The following ZFPM2 variants were observed in gnomAD, a reference collection of about 807,000 sequenced individuals.
ZFPM2 encodes the protein zinc finger protein ZFPM2.
ZFPM2 carries 20 observed loss-of-function variants against 98.6 expected under a neutral mutation model. That is an observed-to-expected ratio of 0.20 (90% confidence interval 0.14 to 0.29). The LOEUF (loss-of-function observed/expected upper bound fraction) is 0.29, where lower values mean the gene tolerates loss of function less well. ZFPM2 is among the 10% of genes least tolerant of loss of function. ZFPM2 has a pLI of 1.00. For missense variants in ZFPM2, 1,310 were observed against 1,388.6 expected, an observed-to-expected ratio of 0.94 and a Z score of 0.90; for synonymous variants, 518 against 502.7, an observed-to-expected ratio of 1.03 and a Z score of -0.41.
intron 5 of ZFPM2, among the ~76,000 whole-genome samples, chr8:105,687,664 A>G (rs1810772994): frequency 3.3e-5 from 5 of 152,176 alleles, no homozygotes; most frequent in Admixed American, 3.3e-4. Context: ...GAATACATAA[A>G]TCAAATAGAT....
intron 5 of ZFPM2, among the ~76,000 whole-genome samples, chr8:105,648,352 T>A (rs1479202167): frequency 2.0e-5 from 3 of 152,228 alleles, no homozygotes; most frequent in Admixed American, 1.3e-4. Flanking sequence ...GATAGTAGTT[T>A]CTTTTGTTGT....
intron 3 of ZFPM2, among the ~76,000 whole-genome samples, chr8:105,473,620 A>T (rs980370686): frequency 2.6e-5 from 4 of 152,210 alleles, no homozygotes; most frequent in African/African-American, 9.6e-5. Context: ...TTTAAAAGCC[A>T]TTGAGTTAAG....
intron 3 of ZFPM2, among the ~76,000 whole-genome samples, chr8:105,445,145 A>G (rs1291437793): frequency 6.6e-6 from 1 of 152,206 alleles, no homozygotes; most frequent in Non-Finnish European, 1.5e-5. Flanking sequence ...AAAGATCCCT[A>G]TATTTCAATC....
At chr8:105,645,637 G>T (rs983173238) in intron 5 of ZFPM2, among the ~76,000 whole-genome samples, 1 of 152,168 alleles carries the variant, frequency 6.6e-6, no homozygotes, top group East Asian at 1.9e-4. Context: ...ATTCTAACAG[G>T]CTGGGAAGCA....
chr8:105,521,138 C>T (rs1323124790), intron 3 of ZFPM2, among the ~76,000 whole-genome samples: 3 of 150,350 alleles, frequency 2.0e-5, no homozygotes, highest in African/African-American at 7.5e-5. Context: ...TATATACACA[C>T]ACACACACAC....
Position 105,363,952 on chromosome 8 carries a change from G to A in ZFPM2, c.40+44971G>A, listed in dbSNP as rs538119590. On this transcript the variant is annotated intron_variant, in intron 1 of 7. Coordinates refer to ENST00000407775, the MANE Select transcript of ZFPM2 (RefSeq NM_012082.4). ...TGGTTTATAGTCTGTCTTATGTACTGCATATTCTTGAAAACTGAGATATAG... is the reference window on the plus strand; with the variant it reads ...TGGTTTATAGTCTGTCTTATGTACTACATATTCTTGAAAACTGAGATATAG... Among the ~76,000 whole-genome samples, 5 of 152,090 alleles carry A rather than the reference G, an allele frequency of 3.3e-5. No homozygotes were observed. In the South Asian group the frequency reaches 1.0e-3, roughly 32 times the overall value.
intron 2 of ZFPM2, among the ~76,000 whole-genome samples, chr8:105,430,761 G>A (rs1345763465): frequency 6.6e-6 from 1 of 152,122 alleles, no homozygotes; most frequent in Non-Finnish European, 1.5e-5. Context: ...GTGCATCTGA[G>A]TTAGAAGGAG....
intron 3 of ZFPM2, among the ~76,000 whole-genome samples, chr8:105,503,502 C>A (rs1813637858): frequency 1.3e-5 from 2 of 152,060 alleles, no homozygotes; most frequent in Admixed American, 6.6e-5. Flanking sequence ...AAGATAAAGA[C>A]CATGGGAATG....
chr8:105,467,068 G>T (rs1812809336), intron 3 of ZFPM2, among the ~76,000 whole-genome samples: 1 of 151,976 alleles, frequency 6.6e-6, no homozygotes, highest in African/African-American at 2.4e-5. Context: ...AACATCGTAT[G>T]TATTTCTTCC....
At chr8:105,770,624 C>T (rs943844943) in intron 5 of ZFPM2, among the ~76,000 whole-genome samples, 1 of 152,010 alleles carries the variant, frequency 6.6e-6, no homozygotes, top group Admixed American at 6.6e-5. Context: ...CCTTAGAGGG[C>T]ACATTATTTT....
chr8:105,330,538 C>CTCTCTCTATATATATACA (rs1554594944), intron 1 of ZFPM2, among the ~76,000 whole-genome samples: 3 of 100,128 alleles, frequency 3.0e-5, no homozygotes, highest in African/African-American at 1.2e-4. Context: ...CTCTCTCTCT[C>CTCTCTCTATATATATACA]TATATATATA....
At chr8:105,475,340 T>TA (rs1431320088) in intron 3 of ZFPM2, among the ~76,000 whole-genome samples, 1 of 152,228 alleles carries the variant, frequency 6.6e-6, no homozygotes, top group Admixed American at 6.5e-5. Flanking sequence ...CATTTGAAGT[T>TA]ACGTTTGACC....
intron 5 of ZFPM2, among the ~76,000 whole-genome samples, chr8:105,648,052 T>C (rs1269492402): frequency 6.6e-6 from 1 of 152,164 alleles, no homozygotes; most frequent in Non-Finnish European, 1.5e-5. Flanking sequence ...GTTTCCTGAC[T>C]TTTTAATGAT....
chr8:105,777,110 G>A (rs1813121799), intron 5 of ZFPM2, among the ~76,000 whole-genome samples: 1 of 152,060 alleles, frequency 6.6e-6, no homozygotes, highest in Non-Finnish European at 1.5e-5. Flanking sequence ...TAAGCTTATG[G>A]AAAAGCATTT....
At position 105,661,790 on chromosome 8, in the gene ZFPM2, C is replaced by T. The variant is rs72673786; in HGVS notation, c.532+27433C>T. Among the ~76,000 whole-genome samples the T allele has an allele frequency of 5.9e-3, 897 of 152,088 alleles. 7 individuals are homozygous for T. Among genetic ancestry groups the T allele is most frequent in the Non-Finnish European group, 9.6e-3 (656 of 68,012 alleles). ...AAGGAACAGCTTTGAGGCAAGGTTT[C>T]AAGCTTTGTCATCACGCTTGAAGAA... On this transcript the variant is annotated intron_variant, in intron 5 of 7. Coordinates refer to ENST00000407775, the MANE Select transcript of ZFPM2 (RefSeq NM_012082.4).
At chr8:105,529,397 T>A (rs1563701428) in intron 3 of ZFPM2, among the ~76,000 whole-genome samples, 1 of 152,150 alleles carries the variant, frequency 6.6e-6, no homozygotes, top group Non-Finnish European at 1.5e-5. Flanking sequence ...AAATTTGCCA[T>A]CAAATATTAC....
Position 105,634,270 on chromosome 8 carries a change from G to A in ZFPM2, c.445G>A (p.Val149Met), listed in dbSNP as rs758855177. 3 of 1,612,858 alleles carry A rather than the reference G, an allele frequency of 1.9e-6. No individual in the cohort carries two copies. Among genetic ancestry groups the A allele is most frequent in the Admixed American group, 1.7e-5 (1 of 59,900 alleles). ...SLKTKAQVPMVLTAGPKWLLD... is the reference protein window; with the variant it reads ...SLKTKAQVPMMLTAGPKWLLD... Reference sequence around the variant, plus strand: ...GAAGACAAAGGCTCAGGTCCCAATGGTGCTGACTGCTGGTCCCAAGTGGTT... The same window carrying A: ...GAAGACAAAGGCTCAGGTCCCAATGATGCTGACTGCTGGTCCCAAGTGGTT... The change falls in exon 5 of 8, where the codon GTG (valine) becomes ATG (methionine). Residue 149 changes from valine (V) to methionine (M), a missense_variant. By Grantham distance (21) the Val-to-Met change is conservative. Coordinates refer to ENST00000407775, the MANE Select transcript of ZFPM2 (RefSeq NM_012082.4).
intron 4 of ZFPM2, among the ~76,000 whole-genome samples, chr8:105,615,990 T>G (rs1450506133): frequency 6.6e-6 from 1 of 152,118 alleles, no homozygotes; most frequent in Non-Finnish European, 1.5e-5. Flanking sequence ...TGAGGCAACA[T>G]ACAAAAAATT....
At chr8:105,685,805 T>A (rs1810720572) in intron 5 of ZFPM2, 1 of 152,070 alleles carries the variant, frequency 6.6e-6, no homozygotes, top group African/African-American at 2.4e-5. Flanking sequence ...CTGTTAAAAA[T>A]CAAAGGGATA....
Sources: allele counts gnomAD v4.1 joint callset (sites outside exome capture counted in the v4.1 genomes callset), GRCh38; gene constraint gnomAD v4.1.1; transcripts MANE v1.5; gene names NCBI Gene and HGNC (gene_info 2026-07-23, HGNC 2026-07-21).